Variants in SPRY3 observed in about 807,000 individuals in gnomAD.
SPRY3 encodes protein sprouty homolog 3.
In SPRY3, 15 loss-of-function variants were observed where a neutral mutation model predicts 20.2. The ratio of observed to expected loss-of-function variants is 0.74; its 90% CI spans 0.50 to 1.14. SPRY3 has a LOEUF of 1.14. Ranked by LOEUF, SPRY3 falls within the 50% of genes most tolerant of loss-of-function variation. The probability of loss-of-function intolerance (pLI) is 0.00; values close to 1 mark genes in which losing one functional copy is unlikely to be tolerated. For synonymous variants in SPRY3, 143 were observed against 136.5 expected (o/e 1.05, Z -0.33); for missense variants, 364 against 363.9 (o/e 1.00, Z 0.00).
chrX:155,707,518 T>C (rs1005930019), intron 2 of SPRY3, among the ~76,000 whole-genome samples: 2 of 151,296 alleles, frequency 1.3e-5, no homozygotes, highest in Non-Finnish European at 1.5e-5. Context: ...TCTCTTCATC[T>C]TTACTAATAT....
At chrX:155,620,187 C>T (rs2067866584) in intron 1 of SPRY3, among the ~76,000 whole-genome samples, 1 of 110,867 alleles carries the variant, frequency 9.0e-6, no homozygotes, top group Admixed American at 9.6e-5. Flanking sequence ...TTATAAGATT[C>T]TTAGTTAAAC....
At chrX:155,628,753 C>A (rs1485616805) in intron 1 of SPRY3, among the ~76,000 whole-genome samples, 1 of 111,954 alleles carries the variant, frequency 8.9e-6, no homozygotes, top group Non-Finnish European at 1.9e-5. Context: ...TTTACCTTCC[C>A]ACCAACAGTG....
chrX:155,710,266 T>C (rs1306652313), intron 2 of SPRY3, among the ~76,000 whole-genome samples: 1 of 151,834 alleles, frequency 6.6e-6, no homozygotes, highest in Non-Finnish European at 1.5e-5. Flanking sequence ...ATGAACATTT[T>C]GACAACATTG....
intron 2 of SPRY3, among the ~76,000 whole-genome samples, chrX:155,758,711 G>C (rs1172868935): frequency 6.6e-6 from 1 of 152,180 alleles, no homozygotes; most frequent in Non-Finnish European, 1.5e-5. Flanking sequence ...GTGGAAGCAT[G>C]TGTTTTATAA....
chrX:155,636,632 CTAAT>C (rs1286475668), intron 1 of SPRY3, among the ~76,000 whole-genome samples: 8 of 110,687 alleles, frequency 7.2e-5, no homozygotes, highest in African/African-American at 2.6e-4. Context: ...CATATATTGA[CTAAT>C]TTATTTTTAT....
At chrX:155,728,799 C>T (rs752561649) in intron 2 of SPRY3, among the ~76,000 whole-genome samples, 32 of 152,250 alleles carry the variant, frequency 2.1e-4, no homozygotes, top group African/African-American at 2.6e-4. Flanking sequence ...TGCTTTGACT[C>T]GCCCACCGTG....
intron 2 of SPRY3, among the ~76,000 whole-genome samples, chrX:155,715,183 C>G (rs2091013622): frequency 2.6e-5 from 4 of 152,078 alleles, no homozygotes. Flanking sequence ...TGGGAATGTG[C>G]TGGGTCTCCC....
At chrX:155,725,317 A>G (rs952905370) in intron 2 of SPRY3, among the ~76,000 whole-genome samples, 1 of 152,144 alleles carries the variant, frequency 6.6e-6, no homozygotes, top group Admixed American at 6.5e-5. Flanking sequence ...TGGTATCAGG[A>G]TGATGCTGAC....
chrX:155,654,288 C>T (rs1176071555), intron 1 of SPRY3, among the ~76,000 whole-genome samples: 1 of 111,223 alleles, frequency 9.0e-6, no homozygotes, highest in Non-Finnish European at 1.9e-5. Flanking sequence ...GTATATCTAC[C>T]ATATTTGGTA....
At chrX:155,637,097 A>G (rs901619283) in intron 1 of SPRY3, among the ~76,000 whole-genome samples, 1 of 105,294 alleles carries the variant, frequency 9.5e-6, no homozygotes, top group East Asian at 3.1e-4. Context: ...TGACGAGTTA[A>G]TGGGTGCAGC....
intron 2 of SPRY3, among the ~76,000 whole-genome samples, chrX:155,713,462 A>G (rs2091000879): frequency 6.6e-6 from 1 of 151,964 alleles, no homozygotes; most frequent in Non-Finnish European, 1.5e-5. Flanking sequence ...CTTTAAGGAT[A>G]TTTTCACTGG....
Position 155,774,393 on chromosome X carries a change from C to A in SPRY3, c.522C>A (p.Cys174Ter). The change falls in exon 4 of 4, where the codon TGC (cysteine) becomes TGA (stop). Residue 174 changes from cysteine (C) to a stop codon, truncating the protein, a stop_gained. Transcript: ENST00000675360. LOFTEE classifies it high-confidence loss of function. ...CCTGCTGGCTGTGCAACCAGCGCTG[C>A]CTTTGCTCTGCTGAGAGCCTCCTCG... 6.2e-7 allele frequency: 1 copy of A among 1,614,028 alleles called. No homozygotes were observed. Among genetic ancestry groups the A allele is most frequent in the Non-Finnish European group, 8.5e-7 (1 of 1,179,880 alleles).
intron 2 of SPRY3, among the ~76,000 whole-genome samples, chrX:155,736,152 T>C (rs2091167775): frequency 6.6e-6 from 1 of 152,032 alleles, no homozygotes; most frequent in African/African-American, 2.4e-5. Flanking sequence ...TTTCACTTAT[T>C]CATAAGCGAT....
intron 2 of SPRY3, among the ~76,000 whole-genome samples, chrX:155,741,668 C>A (rs919647139): frequency 3.4e-4 from 52 of 152,216 alleles, no homozygotes; most frequent in Non-Finnish European, 7.1e-4. Context: ...AGCAGAAACC[C>A]TACAAGCCAG....
intron 2 of SPRY3, among the ~76,000 whole-genome samples, chrX:155,720,404 C>T (rs1197973574): frequency 2.0e-5 from 3 of 152,178 alleles, no homozygotes; most frequent in African/African-American, 4.8e-5. Flanking sequence ...ACAGGCCTGT[C>T]TGGTTTTGCC....
chrX:155,711,433 A>T (rs2090985416), intron 2 of SPRY3, among the ~76,000 whole-genome samples: 1 of 151,744 alleles, frequency 6.6e-6, no homozygotes, highest in South Asian at 2.1e-4. Flanking sequence ...TTTCCAATTT[A>T]TTGGCATATA....
intron 1 of SPRY3, among the ~76,000 whole-genome samples, chrX:155,646,421 A>G (rs1557351873): frequency 8.9e-6 from 1 of 111,929 alleles, no homozygotes; most frequent in East Asian, 2.8e-4. Flanking sequence ...CAATCCATGA[A>G]GTGTCTTTAC....
intron 2 of SPRY3, among the ~76,000 whole-genome samples, chrX:155,764,666 A>G (rs2091317475): frequency 6.6e-6 from 1 of 152,134 alleles, no homozygotes; most frequent in Non-Finnish European, 1.5e-5. Flanking sequence ...ACAGACAATT[A>G]TAATAAAGTG....
chrX:155,646,084 T>G, intron 1 of SPRY3, among the ~76,000 whole-genome samples: 1 of 112,650 alleles, frequency 8.9e-6, no homozygotes, highest in Non-Finnish European at 1.9e-5. Flanking sequence ...GGCACACTTT[T>G]CAAACATCAG....
Sources: allele counts gnomAD v4.1 joint callset (sites outside exome capture counted in the v4.1 genomes callset), GRCh38; gene constraint gnomAD v4.1.1; transcripts MANE v1.5; gene names NCBI Gene and HGNC (gene_info 2026-07-23, HGNC 2026-07-21).